Variants in PPP2R3C observed in about 807,000 individuals in gnomAD.
PPP2R3C encodes the protein protein phosphatase 2 regulatory subunit B''gamma.
A neutral mutation model predicts 63.7 loss-of-function variants in PPP2R3C; 47 were observed. That is an observed-to-expected ratio of 0.74 (90% confidence interval 0.58 to 0.94). The LOEUF (loss-of-function observed/expected upper bound fraction) is 0.94. Ranked by LOEUF, PPP2R3C falls within the 40% of genes least tolerant of loss-of-function variation. PPP2R3C has a pLI of 0.00. For synonymous variants in PPP2R3C, 180 were observed against 177.4 expected (o/e 1.01, Z -0.12); for missense variants, 421 against 518.4 (o/e 0.81, Z 1.82).
At chr14:35,119,563 A>C (rs2046802826) in intron 1 of PPP2R3C, among the ~76,000 whole-genome samples, 1 of 152,100 alleles carries the variant, frequency 6.6e-6, no homozygotes, top group South Asian at 2.1e-4. Flanking sequence ...GCTGGTCTCA[A>C]ACTCCTGGCC....
At chr14:35,090,247 T>TC (rs1412707512) in intron 11 of PPP2R3C, among the ~76,000 whole-genome samples, 1 of 148,938 alleles carries the variant, frequency 6.7e-6, no homozygotes, top group African/African-American at 2.5e-5. Flanking sequence ...GTTTTTTTTT[T>TC]TTTTTTTTTT....
At chr14:35,097,086 G>C (rs1179577410) in intron 7 of PPP2R3C, among the ~76,000 whole-genome samples, 1 of 152,004 alleles carries the variant, frequency 6.6e-6, no homozygotes, top group African/African-American at 2.4e-5. Context: ...GTGGTGGAGG[G>C]CGCCTGTAAT....
At chr14:35,103,192 A>C (rs2046252117) in intron 6 of PPP2R3C, among the ~76,000 whole-genome samples, 1 of 152,218 alleles carries the variant, frequency 6.6e-6, no homozygotes, top group Non-Finnish European at 1.5e-5. Context: ...CAAAGTCCTT[A>C]CTGTGGCCCA....
chr14:35,112,245 T>C (rs2046585368), intron 2 of PPP2R3C, among the ~76,000 whole-genome samples: 1 of 152,156 alleles, frequency 6.6e-6, no homozygotes, highest in Non-Finnish European at 1.5e-5. Context: ...CAACCTGACT[T>C]AGAACAATTT....
At chr14:35,109,063 C>CTT (rs1052048853) in intron 4 of PPP2R3C, among the ~76,000 whole-genome samples, 3 of 145,174 alleles carry the variant, frequency 2.1e-5, no homozygotes, top group Admixed American at 6.9e-5. Context: ...TATATTATTT[C>CTT]TTTTTTTTTT....
intron 1 of PPP2R3C, among the ~76,000 whole-genome samples, chr14:35,120,279 G>A (rs1461125626): frequency 1.4e-5 from 2 of 139,104 alleles, no homozygotes; most frequent in African/African-American, 2.7e-5. Flanking sequence ...AGTGTCGCTC[G>A]GTCGCCCAGG....
chr14:35,121,528 GA>G (rs2046892073), intron 1 of PPP2R3C, among the ~76,000 whole-genome samples: 1 of 152,196 alleles, frequency 6.6e-6, no homozygotes, highest in South Asian at 2.1e-4. Flanking sequence ...AGGAAAAATG[GA>G]TTATGAAATA....
chr14:35,106,593 T>A (rs2046366345), intron 6 of PPP2R3C: 1 of 151,604 alleles, frequency 6.6e-6, no homozygotes, highest in African/African-American at 2.4e-5. Context: ...CCCGCCCACG[T>A]CAGCCTCCCA....
rs903788807 is a variant in PPP2R3C, at chr14:35,110,127, T to C, written c.292-196A>G. On this transcript the variant is annotated intron_variant, in intron 3 of 12. Coordinates refer to ENST00000261475, the MANE Select transcript of PPP2R3C (RefSeq NM_017917.4). ...TTGAGTGCCTACTAAGCTTTTGATA[T>C]ACACTGCCTCTTTAATCCACATCTC... 1.9e-5 allele frequency: 10 copies of C among 518,426 alleles called. No individual in the cohort carries two copies. In the African/African-American group the frequency reaches 1.9e-4, roughly 10 times the overall value. The allele number at this position is 518,426 out of a possible 1,614,324, so 32.1% of individuals were successfully genotyped here.
At chr14:35,121,835 A>ACCCCCCCCCCCCCCCCCC in intron 1 of PPP2R3C, 67 bp downstream of exon 1, 1 of 1,550,268 alleles carries the variant, frequency 6.5e-7, no homozygotes, top group South Asian at 1.1e-5. Context: ...CCTCCTCCCC[A>ACCCCCCCCCCCCCCCCCC]CCTCCCCCCT....
upstream of PPP2R3C, chr14:35,122,014 C>A: frequency 6.2e-7 from 1 of 1,601,460 alleles, no homozygotes; most frequent in East Asian, 2.2e-5. Flanking sequence ...TGCTCCACCC[C>A]TACCAGCTCA....
intron 10 of PPP2R3C, 124 bp downstream of exon 10, chr14:35,094,924 A>G (rs1315045773): frequency 1.5e-5 from 15 of 1,005,386 alleles, no homozygotes; most frequent in Non-Finnish European, 5.8e-6. Context: ...ACTGCACTCT[A>G]GCCTAGGCGA....
intron 4 of PPP2R3C, 138 bp from the exon 5 acceptor site, chr14:35,108,374 TAAAATA>T (rs2046428202): frequency 1.7e-6 from 2 of 1,150,514 alleles, no homozygotes; most frequent in South Asian, 4.4e-5. Flanking sequence ...TTCAAAAACT[TAAAATA>T]TTAAGTCAAA....
At chr14:35,096,478 G>T in intron 9 of PPP2R3C, 80 bp downstream of exon 9, 1 of 1,195,960 alleles carries the variant, frequency 8.4e-7, no homozygotes, top group Non-Finnish European at 1.2e-6. Context: ...GTATATCAGT[G>T]TATGTATAAA....
intron 6 of PPP2R3C, among the ~76,000 whole-genome samples, chr14:35,105,871 C>T (rs1477552774): frequency 1.3e-5 from 2 of 151,428 alleles, no homozygotes; most frequent in African/African-American, 2.4e-5. Flanking sequence ...GAGATGGAGT[C>T]TCGCTCTTTC....
At chr14:35,089,533 T>G (rs1187207767) in intron 11 of PPP2R3C, among the ~76,000 whole-genome samples, 1 of 152,170 alleles carries the variant, frequency 6.6e-6, no homozygotes, top group Non-Finnish European at 1.5e-5. Context: ...TTAAATTTTT[T>G]GTAGAAGTTG....
At chr14:35,106,005 G>C (rs2046343772) in intron 6 of PPP2R3C, among the ~76,000 whole-genome samples, 1 of 151,976 alleles carries the variant, frequency 6.6e-6, no homozygotes, top group Admixed American at 6.6e-5. Context: ...ACCACGCCCG[G>C]CTAATTTTTT....
chr14:35,122,073 A>T (rs1298391402), upstream of PPP2R3C: 2 of 1,121,086 alleles, frequency 1.8e-6, no homozygotes, highest in Non-Finnish European at 2.7e-6. Flanking sequence ...CCGTCCAACC[A>T]CCATCTTGAT....
chr14:35,099,432 T>G, intron 6 of PPP2R3C, 48 bp from the exon 7 acceptor site: 1 of 1,549,058 alleles, frequency 6.5e-7, no homozygotes, highest in Non-Finnish European at 8.6e-7. Context: ...CTTGATTCAT[T>G]AGATATTAGA....
Sources: gnomAD v4.1 joint callset for allele counts (sites outside exome capture counted in the v4.1 genomes callset) on GRCh38, gnomAD v4.1.1 for gene constraint, MANE v1.5 for transcripts, NCBI Gene and HGNC (gene_info 2026-07-23, HGNC 2026-07-21) for gene names.